The following CSNK1G3 variants were observed in gnomAD, a reference collection of about 807,000 sequenced individuals.
CSNK1G3 encodes casein kinase 1 gamma 3.
Under a neutral mutation model 64.3 loss-of-function variants are expected in CSNK1G3, and 23 were observed. The ratio of observed to expected loss-of-function variants is 0.36; its 90% confidence interval spans 0.26 to 0.51. The LOEUF is 0.51. Among genes scored for constraint, CSNK1G3 ranks in the 20% least tolerant of loss-of-function variants. The pLI is 0.96. For synonymous variants in CSNK1G3, 158 were observed against 162.2 expected (o/e 0.97, Z 0.20); for missense variants, 357 against 510.5 (o/e 0.70, Z 2.90).
chr5:123,573,831 A>G (rs1788583321), intron 5 of CSNK1G3, among the ~76,000 whole-genome samples: 1 of 151,584 alleles, frequency 6.6e-6, no homozygotes. Flanking sequence ...ACTTCAAAAG[A>G]GAACCCTCAG....
chr5:123,516,323 G>C (rs1047532943), intron 1 of CSNK1G3, among the ~76,000 whole-genome samples: 4 of 152,116 alleles, frequency 2.6e-5, no homozygotes, highest in Non-Finnish European at 4.4e-5. Context: ...CTTTAATAAT[G>C]TGAAATGATT....
At chr5:123,580,030 G>C (rs1789950448) in intron 6 of CSNK1G3, among the ~76,000 whole-genome samples, 1 of 151,948 alleles carries the variant, frequency 6.6e-6, no homozygotes, top group Admixed American at 6.6e-5. Flanking sequence ...AATACATAGC[G>C]GTGTTTTAAG....
intron 6 of CSNK1G3, among the ~76,000 whole-genome samples, chr5:123,587,057 G>A (rs1426915669): frequency 2.0e-5 from 3 of 152,150 alleles, no homozygotes. Context: ...CTCCCACTGA[G>A]TCCCTCTCAC....
chr5:123,588,831 G>A (rs191846397), intron 8 of CSNK1G3, among the ~76,000 whole-genome samples: 4 of 152,238 alleles, frequency 2.6e-5, no homozygotes, highest in Admixed American at 2.0e-4. Context: ...GGTATTCAGT[G>A]TTAGTCATTT....
At chr5:123,569,431 A>G (rs1013276059) in intron 4 of CSNK1G3, among the ~76,000 whole-genome samples, 3 of 152,232 alleles carry the variant, frequency 2.0e-5, no homozygotes, top group East Asian at 1.9e-4. Flanking sequence ...TTCTATTCTC[A>G]TACATTAAAA....
In CSNK1G3 at chr5:123,579,341, A is replaced by T. The variant is rs376233331; in HGVS notation, c.673+3378A>T. ...TAAGTTTCAAATATTTAAAATTATG[A>T]AACACAAGTTTTATTCAGTTAATAT... On this transcript the variant is annotated intron_variant, in intron 6 of 12. Transcript: ENST00000345990. Among the ~76,000 whole-genome samples, 4 of 151,818 alleles carry T rather than the reference A, an allele frequency of 2.6e-5. No homozygotes were observed. In the South Asian group the frequency reaches 8.3e-4, roughly 32 times the overall value.
exon 6 of CSNK1G3, chr5:123,575,771 A>C: frequency 1.2e-6 from 2 of 1,613,428 alleles, no homozygotes; most frequent in South Asian, 2.2e-5. Context: ...CTTGATATAC[A>C]GAGATGTAAA....
At chr5:123,603,405 A>G (rs1018697257) in intron 10 of CSNK1G3, among the ~76,000 whole-genome samples, 4 of 152,072 alleles carry the variant, frequency 2.6e-5, no homozygotes, top group African/African-American at 9.7e-5. Context: ...TCATGCATAC[A>G]TGCATTCATT....
chr5:123,545,718 A>T (rs761050634), exon 2 of CSNK1G3: 1 of 1,613,612 alleles, frequency 6.2e-7, no homozygotes, highest in East Asian at 2.2e-5. Context: ...GGCACGACCT[A>T]GTGGTCGATC....
At chr5:123,614,529 C>A in exon 13 of CSNK1G3, 2 of 644,688 alleles carry the variant, frequency 3.1e-6, no homozygotes, top group Non-Finnish European at 5.0e-6. Context: ...TACTTTCATA[C>A]TTCATTTTGT....
chr5:123,546,890 A>C (rs1782618592), intron 2 of CSNK1G3, among the ~76,000 whole-genome samples: 1 of 152,146 alleles, frequency 6.6e-6, no homozygotes, highest in African/African-American at 2.4e-5. Context: ...TAGTTTATAC[A>C]TACTTGTTAC....
chr5:123,570,296 A>G (rs941712435), intron 4 of CSNK1G3, among the ~76,000 whole-genome samples: 1 of 152,002 alleles, frequency 6.6e-6, no homozygotes, highest in Non-Finnish European at 1.5e-5. Context: ...AACTATTGGG[A>G]ATATAGATGG....
intron 2 of CSNK1G3, among the ~76,000 whole-genome samples, chr5:123,549,243 C>A (rs1178004646): frequency 6.6e-6 from 1 of 152,116 alleles, no homozygotes; most frequent in African/African-American, 2.4e-5. Context: ...TTGACAGGCA[C>A]TGAATAAGAC....
chr5:123,513,194 T>G (rs114634599), intron 1 of CSNK1G3, among the ~76,000 whole-genome samples: 3,030 of 152,290 alleles, frequency 0.02, 104 homozygotes, highest in African/African-American at 0.07. Flanking sequence ...AAAATCACTC[T>G]GATGGTTACT....
chr5:123,574,611 A>G (rs542581260), intron 5 of CSNK1G3, among the ~76,000 whole-genome samples: 1 of 152,148 alleles, frequency 6.6e-6, no homozygotes, highest in African/African-American at 2.4e-5. Context: ...ACTTGAGCCC[A>G]GGAGTTCAAG....
chr5:123,542,773 G>A (rs1443680843), intron 1 of CSNK1G3, among the ~76,000 whole-genome samples: 3 of 150,764 alleles, frequency 2.0e-5, no homozygotes, highest in Admixed American at 2.0e-4. Flanking sequence ...GCTGTATGTC[G>A]TGTATTTTTT....
intron 3 of CSNK1G3, among the ~76,000 whole-genome samples, chr5:123,556,288 A>C (rs1784608114): frequency 6.6e-6 from 1 of 151,984 alleles, no homozygotes; most frequent in African/African-American, 2.4e-5. Context: ...CCTGTTTGGG[A>C]TTCACATTCC....
At chr5:123,536,213 C>G (rs1780774345) in intron 1 of CSNK1G3, among the ~76,000 whole-genome samples, 1 of 152,168 alleles carries the variant, frequency 6.6e-6, no homozygotes, top group South Asian at 2.1e-4. Context: ...TAATGATTCT[C>G]TCTGACAAGG....
intron 4 of CSNK1G3, among the ~76,000 whole-genome samples, chr5:123,557,987 G>T (rs1315837676): frequency 6.6e-6 from 1 of 152,144 alleles, no homozygotes; most frequent in Non-Finnish European, 1.5e-5. Flanking sequence ...AGGATTTTGA[G>T]ATGGAGAGAT....
Sources: gnomAD v4.1 joint callset for allele counts (sites outside exome capture counted in the v4.1 genomes callset) on GRCh38, gnomAD v4.1.1 for gene constraint, MANE v1.5 for transcripts, NCBI Gene and HGNC (gene_info 2026-07-23, HGNC 2026-07-21) for gene names.